Variants in CAPN7 observed in about 807,000 individuals in gnomAD.
CAPN7 encodes calpain 7.
CAPN7 carries 72 observed loss-of-function variants against 115.2 expected under a neutral mutation model. That is an observed-to-expected ratio of 0.63 (90% CI 0.52 to 0.76). CAPN7 has a LOEUF of 0.76. CAPN7 is among the 30% of genes least tolerant of loss of function. The probability of loss-of-function intolerance (pLI) is 0.00; values close to 1 mark genes in which losing one functional copy is unlikely to be tolerated. For missense variants in CAPN7, 905 were observed against 971.5 expected (o/e 0.93, Z 0.91); for synonymous variants, 344 against 322.3 (o/e 1.07, Z -0.72).
At chr3:15,238,921 A>G (rs1227999397) in intron 12 of CAPN7, among the ~76,000 whole-genome samples, 1 of 147,164 alleles carries the variant, frequency 6.8e-6, no homozygotes, top group African/African-American at 2.6e-5. Flanking sequence ...ACCCATCCAA[A>G]CAAAATCTAC....
At chr3:15,240,945 C>G in intron 14 of CAPN7, 92 bp downstream of exon 14, 1 of 787,296 alleles carries the variant, frequency 1.3e-6, no homozygotes, top group African/African-American at 1.7e-5. Flanking sequence ...TGGCTCATGC[C>G]TGTAATCCCA....
intron 2 of CAPN7, among the ~76,000 whole-genome samples, chr3:15,217,039 A>T (rs1693654069): frequency 6.6e-6 from 1 of 151,362 alleles, no homozygotes; most frequent in Admixed American, 6.6e-5. Flanking sequence ...GGAGTTCAAG[A>T]CCAGCCTGGG....
intron 12 of CAPN7, among the ~76,000 whole-genome samples, chr3:15,236,781 AAC>A (rs897177998): frequency 6.6e-6 from 1 of 152,186 alleles, no homozygotes; most frequent in African/African-American, 2.4e-5. Flanking sequence ...AACATAGAAA[AAC>A]ACAGTAAAAA....
Position 15,251,182 on chromosome 3 carries a change from CTT to C in CAPN7, c.2368_2369del (p.Leu790AlafsTer2). 6.2e-7 allele frequency: 1 copy of C among 1,608,556 alleles called. No homozygotes were observed. The highest frequency in any genetic ancestry group is 8.5e-7 in the Non-Finnish European group (1 of 1,175,928). ...SGIFNIIPSTFLPKQEGPFFL... is the reference protein window; with the variant it reads ...SGIFNIIPSTXLPKQEGPFFL... The stretch of plus-strand genomic sequence containing the variant: ...GGATCTTCAATATCATTCCTAGTAC[CTT>C]TTTGCCTAAACAAGAAGGACCTTTT... On this transcript the variant is annotated frameshift_variant, in exon 21 of 21. Transcript: ENST00000253693. LOFTEE classifies it high-confidence loss of function.
Position 15,217,459 on chromosome 3 carries a change from A to G in CAPN7, c.246A>G (p.Lys82=). The change falls in exon 3 of 21, where the codon AAA becomes AAG. Residue 82 remains lysine (K), a synonymous_variant. Transcript: ENST00000253693. ...QSKSADPLKS[K]HQLDLERAHF... The stretch of plus-strand genomic sequence containing the variant: ...AGAGTGCTGATCCTTTGAAGTCAAA[A>G]CATCAGTTGGACTTAGAGCGTGCTC... The G allele has an allele frequency of 1.2e-6, 2 of 1,613,526 alleles. No individual in the cohort carries two copies. The highest frequency in any genetic ancestry group is 1.7e-6 in the Non-Finnish European group (2 of 1,179,732).
intron 2 of CAPN7, among the ~76,000 whole-genome samples, chr3:15,216,252 TC>T (rs577446665): frequency 5.0e-4 from 76 of 152,330 alleles, no homozygotes; most frequent in East Asian, 4.6e-3. Flanking sequence ...ATTTCACAGT[TC>T]CATCAGCAGT....
intron 1 of CAPN7, among the ~76,000 whole-genome samples, chr3:15,208,319 C>G (rs2044745350): frequency 6.6e-6 from 1 of 151,514 alleles, no homozygotes; most frequent in Non-Finnish European, 1.5e-5. Flanking sequence ...GCGTCTTGCC[C>G]TGTCACTCAG....
intron 2 of CAPN7, among the ~76,000 whole-genome samples, chr3:15,216,042 C>T (rs1181773120): frequency 2.0e-5 from 3 of 151,934 alleles, no homozygotes; most frequent in South Asian, 2.1e-4. Flanking sequence ...GAGCTGAGAT[C>T]GCACCACTGC....
intron 1 of CAPN7, 41 bp downstream of exon 1, chr3:15,206,638 G>T: frequency 2.8e-6 from 4 of 1,440,990 alleles, no homozygotes; most frequent in Non-Finnish European, 3.8e-6. Context: ...TTGCTCAGTC[G>T]GAGTGCGGCC....
chr3:15,218,638 C>G, intron 4 of CAPN7, 98 bp downstream of exon 4: 1 of 833,392 alleles, frequency 1.2e-6, no homozygotes, highest in South Asian at 1.5e-5. Context: ...TAACAAACCT[C>G]CATCTTTTAA....
At chr3:15,210,889 A>G (rs2044900289) in intron 1 of CAPN7, 2 of 1,288,642 alleles carry the variant, frequency 1.6e-6, no homozygotes, top group Non-Finnish European at 2.0e-6. Context: ...ATGATGACCC[A>G]TGAAGTGTAC....
At chr3:15,216,499 G>A (rs184679478) in intron 2 of CAPN7, among the ~76,000 whole-genome samples, 1 of 152,220 alleles carries the variant, frequency 6.6e-6, no homozygotes, top group Admixed American at 6.5e-5. Flanking sequence ...TGAATTTTAA[G>A]AGATCTTTAT....
At chr3:15,246,559 G>A (rs1301028298) in intron 17 of CAPN7, 173 bp from the exon 18 acceptor site, 1 of 584,610 alleles carries the variant, frequency 1.7e-6, no homozygotes, top group Non-Finnish European at 3.0e-6. Context: ...AGAAAGCCAA[G>A]ACCAGACCCC....
rs1467280952 is a variant in CAPN7 at position 15,206,486 on chromosome 3, C to T, written c.-10C>T. ...CCTCCTTCCCTGCCCCGGCGCGGGG[C>T]CACTGCGCCATGGACGCCACAGCAC... On this transcript the variant is annotated 5_prime_UTR_variant, in exon 1 of 21. Coordinates refer to ENST00000253693, the MANE Select transcript of CAPN7 (RefSeq NM_014296.3). The T allele has an allele frequency of 1.9e-6, 3 of 1,538,760 alleles. No individual in the cohort carries two copies. Among genetic ancestry groups the T allele is most frequent in the Admixed American group, 3.9e-5 (2 of 50,686 alleles).
intron 19 of CAPN7, among the ~76,000 whole-genome samples, chr3:15,248,350 T>C (rs952385786): frequency 6.6e-6 from 1 of 152,164 alleles, no homozygotes; most frequent in Non-Finnish European, 1.5e-5. Context: ...GGAAATAAAT[T>C]ACAGCTACAC....
intron 2 of CAPN7, among the ~76,000 whole-genome samples, chr3:15,215,795 A>G (rs931429882): frequency 2.6e-5 from 4 of 152,222 alleles, no homozygotes; most frequent in African/African-American, 9.6e-5. Context: ...AATGCAGTTA[A>G]GAACATTCAT....
rs542830051 is a variant in CAPN7, at chr3:15,230,648, G to A, written c.1032+113G>A. 1.2e-5 allele frequency: 8 copies of A among 644,840 alleles called. No individual in the cohort carries two copies. In the South Asian group the frequency reaches 1.5e-4, roughly 12 times the overall value. 39.9% of individuals were successfully genotyped at this position (644,840 alleles called of 1,614,324 possible). A position where few individuals can be genotyped will look rare whatever the true frequency, so the allele number is the denominator to read the frequency against. Reference sequence around the variant, plus strand: ...CTGTTTGAACATTTTAAAAGTTAGAGTCTGTGATATTATATATTACTACCA... The same window carrying A: ...CTGTTTGAACATTTTAAAAGTTAGAATCTGTGATATTATATATTACTACCA... On this transcript the variant is annotated intron_variant, in intron 9 of 20. Coordinates refer to ENST00000253693, the MANE Select transcript of CAPN7 (RefSeq NM_014296.3).
At position 15,206,481 on chromosome 3, in the gene CAPN7, C is replaced by T. The variant is rs1559379372; in HGVS notation, c.-15C>T. On this transcript the variant is annotated 5_prime_UTR_variant, in exon 1 of 21. Transcript: ENST00000253693. ...CAGGGCCTCCTTCCCTGCCCCGGCG[C>T]GGGGCCACTGCGCCATGGACGCCAC... 1.3e-6 allele frequency: 2 copies of T among 1,536,492 alleles called. No individual in the cohort carries two copies. Among genetic ancestry groups the T allele is most frequent in the South Asian group, 2.4e-5 (2 of 83,248 alleles).
intron 19 of CAPN7, among the ~76,000 whole-genome samples, chr3:15,249,152 A>G (rs770063776): frequency 2.0e-4 from 30 of 152,068 alleles, no homozygotes; most frequent in Non-Finnish European, 3.2e-4. Context: ...TGATTAAACT[A>G]TTTTTCCACA....
Sources: allele counts gnomAD v4.1 joint callset (sites outside exome capture counted in the v4.1 genomes callset), GRCh38; gene constraint gnomAD v4.1.1; transcripts MANE v1.5; gene names NCBI Gene and HGNC (gene_info 2026-07-23, HGNC 2026-07-21).